JADE2: variants seen among roughly 807,000 people sequenced by gnomAD.
JADE2 encodes the protein E3 ubiquitin-protein ligase Jade-2.
JADE2 carries 13 observed loss-of-function variants against 85.7 expected under a neutral mutation model. The ratio of observed to expected loss-of-function variants is 0.15; its 90% CI spans 0.10 to 0.24. The LOEUF (loss-of-function observed/expected upper bound fraction) is 0.24. JADE2 is among the 10% of genes least tolerant of loss of function. The pLI, the probability that JADE2 is intolerant of heterozygous loss-of-function variation, is 1.00. For synonymous variants in JADE2, 440 were observed against 456.1 expected (o/e 0.96, Z 0.45); for missense variants, 846 against 1,115.9 (o/e 0.76, Z 3.45).
chr5:134,530,117 A>G (rs965060454), intron 1 of JADE2, among the ~76,000 whole-genome samples: 1 of 152,276 alleles, frequency 6.6e-6, no homozygotes, highest in Non-Finnish European at 1.5e-5. Flanking sequence ...CTGAGAAGGC[A>G]TTAAAGTTAA....
intron 9 of JADE2, among the ~76,000 whole-genome samples, chr5:134,568,493 CAG>C (rs1173000685): frequency 6.6e-6 from 1 of 152,206 alleles, no homozygotes; most frequent in East Asian, 1.9e-4. Flanking sequence ...AGAGCTGCTG[CAG>C]AGACTCCTGC....
intron 8 of JADE2, 26 bp downstream of exon 8, chr5:134,564,636 T>G: frequency 7.0e-7 from 1 of 1,427,212 alleles, no homozygotes; most frequent in Non-Finnish European, 9.5e-7. Context: ...CACCTCCTGC[T>G]GCCAGGAGCT....
Position 134,525,741 on chromosome 5 carries a change from G to T in JADE2, c.-271G>T, listed in dbSNP as rs749577444. On this transcript the variant is annotated 5_prime_UTR_variant, in exon 1 of 12. Transcript: ENST00000681547. The stretch of plus-strand genomic sequence containing the variant: ...GCAGTTGGAGGCTATTTTTTGGGGG[G>T]GGTGAGTAGCGTCCATGGAGTTACT... 2 of 1,228,636 alleles carry T rather than the reference G, an allele frequency of 1.6e-6. No homozygotes were observed. The highest frequency in any genetic ancestry group is 2.1e-6 in the Non-Finnish European group (2 of 963,620). 76.1% of individuals were successfully genotyped at this position (1,228,636 alleles called of 1,614,324 possible). A position where few individuals can be genotyped will look rare whatever the true frequency, so the allele number is the denominator to read the frequency against.
Position 134,581,119 on chromosome 5 carries a change from A to G in JADE2, c.*1802A>G, listed in dbSNP as rs1764691454. 1 of 152,570 alleles carries G rather than the reference A, an allele frequency of 6.6e-6. No homozygotes were observed. The highest frequency in any genetic ancestry group is 2.4e-5 in the African/African-American group (1 of 41,442). The allele number at this position is 152,570 out of a possible 1,614,324, so 9.5% of individuals were successfully genotyped here. A position where few individuals can be genotyped will look rare whatever the true frequency, so the allele number is the denominator to read the frequency against. ...ACTCAATTTCATGTGAATTTTAGCA[A>G]AACAGGAAACAAAGATAATGACTCA... On this transcript the variant is annotated 3_prime_UTR_variant, in exon 12 of 12. Coordinates refer to ENST00000681547, the MANE Select transcript of JADE2 (RefSeq NM_001388185.1).
At position 134,579,191 on chromosome 5, in the gene JADE2, T is replaced by C. The variant is rs1025530150; in HGVS notation, c.2379T>C (p.Thr793=). The change falls in exon 12 of 12, where the codon ACT becomes ACC. Residue 793 remains threonine, a synonymous_variant. Coordinates refer to ENST00000681547, the MANE Select transcript of JADE2 (RefSeq NM_001388185.1). This position sits in a 1 kb window ranked among gnomAD's most constrained non-coding sequence, Gnocchi z 4.6. ...TCAGCCTGCATTTTGACACTGAGAC[T>C]GATGGCTACTTCTCTGATGGGGAGA... ...PKVSLHFDTE[T]DGYFSDGEMS... is the part of the protein sequence containing the mutation. 6.2e-7 allele frequency: 1 copy of C among 1,614,254 alleles called. No homozygotes were observed.
upstream of JADE2, among the ~76,000 whole-genome samples, chr5:134,525,461 G>C (rs1392907856): frequency 3.3e-5 from 5 of 151,554 alleles, no homozygotes. Context: ...GGCCCGCAAC[G>C]CTACCTGGAC....
chr5:134,574,746 G>C (rs1409715673), intron 10 of JADE2: 1 of 152,200 alleles, frequency 6.6e-6, no homozygotes. Context: ...GCAGCTTCCT[G>C]GCTGCTGGAG....
chr5:134,577,547 C>T (rs1193306537), intron 11 of JADE2, among the ~76,000 whole-genome samples: 1 of 152,254 alleles, frequency 6.6e-6, no homozygotes, highest in East Asian at 1.9e-4. Context: ...GGGGACAACC[C>T]AGGCGTGGTG....
chr5:134,538,718 A>T (rs1332215822), intron 3 of JADE2, among the ~76,000 whole-genome samples: 1 of 152,128 alleles, frequency 6.6e-6, no homozygotes, highest in African/African-American at 2.4e-5. Flanking sequence ...CTCCCACCCT[A>T]GGGCCTTATT....
chr5:134,551,619 T>C (rs2589409), intron 3 of JADE2, among the ~76,000 whole-genome samples: 150,299 of 151,764 alleles, frequency 0.99, 74,434 homozygotes, highest in Middle Eastern at 1. Context: ...CTCAAGCAGT[T>C]ATCCCACCTC....
At chr5:134,542,216 T>C (rs1479370408) in intron 3 of JADE2, among the ~76,000 whole-genome samples, 1 of 152,250 alleles carries the variant, frequency 6.6e-6, no homozygotes, top group Non-Finnish European at 1.5e-5. Flanking sequence ...CCTGAAGTCC[T>C]GAGCCTGGCC....
chr5:134,560,130 G>T, intron 5 of JADE2, 140 bp downstream of exon 5: 1 of 946,748 alleles, frequency 1.1e-6, no homozygotes, highest in Non-Finnish European at 1.6e-6. Flanking sequence ...TTACTGAATG[G>T]GGACCTCACT....
chr5:134,548,953 C>T (rs1762449643), intron 3 of JADE2, among the ~76,000 whole-genome samples: 2 of 152,212 alleles, frequency 1.3e-5, no homozygotes, highest in African/African-American at 4.8e-5. Flanking sequence ...TCAGAAAGCA[C>T]TGCCAGGAGC....
At chr5:134,568,292 T>C (rs1314483791) in intron 9 of JADE2, among the ~76,000 whole-genome samples, 1 of 152,172 alleles carries the variant, frequency 6.6e-6, no homozygotes, top group African/African-American at 2.4e-5. Flanking sequence ...GGAACTCCAT[T>C]CCAAGGGTTT....
chr5:134,539,391 G>C (rs1328955363), intron 3 of JADE2, among the ~76,000 whole-genome samples: 6 of 151,510 alleles, frequency 4.0e-5, no homozygotes, highest in Non-Finnish European at 2.9e-5. Context: ...TAGAGATGGG[G>C]TTTCACCATG....
At position 134,573,775 on chromosome 5, in the gene JADE2, C is replaced by T; in HGVS notation, c.1552+13C>T. On this transcript the variant is annotated intron_variant, in intron 10 of 11. Coordinates refer to ENST00000681547, the MANE Select transcript of JADE2 (RefSeq NM_001388185.1). ...GATCTGTGTCGAGGTAGGCGCCTTC[C>T]CCACCTGCCGCCGCCACCTCCCTGT... 6.7e-7 allele frequency: 1 copy of T among 1,483,722 alleles called. No homozygotes were observed. The highest frequency in any genetic ancestry group is 9.4e-7 in the Non-Finnish European group (1 of 1,060,604). The allele number at this position is 1,483,722 out of a possible 1,614,324, so 91.9% of individuals were successfully genotyped here. A position where few individuals can be genotyped will look rare whatever the true frequency, so the allele number is the denominator to read the frequency against.
At position 134,579,433 on chromosome 5, in the gene JADE2, C is replaced by T. The variant is rs942457282; in HGVS notation, c.*116C>T. The T allele has an allele frequency of 9.2e-6, 7 of 763,052 alleles. No homozygotes were observed. Among genetic ancestry groups the T allele is most frequent in the East Asian group, 5.4e-5 (2 of 36,980 alleles). 47.3% of individuals were successfully genotyped at this position (763,052 alleles called of 1,614,324 possible). ...TCCCAGACCCTCGAGGCTGCCACTC[C>T]GTCGTGGTTTTATTTTTAATATAGA... On this transcript the variant is annotated 3_prime_UTR_variant, in exon 12 of 12. Transcript: ENST00000681547. This position sits in a 1 kb window ranked among gnomAD's most constrained non-coding sequence, Gnocchi z 4.6.
chr5:134,536,728 C>T (rs981850510), intron 2 of JADE2: 1 of 152,422 alleles, frequency 6.6e-6, no homozygotes, highest in Non-Finnish European at 1.5e-5. Flanking sequence ...CCAGGAAGAT[C>T]TCACCTAGCA....
At chr5:134,539,037 T>TTTGTA (rs1761783640) in intron 3 of JADE2, among the ~76,000 whole-genome samples, 1 of 143,628 alleles carries the variant, frequency 7.0e-6, no homozygotes, top group East Asian at 2.0e-4. Context: ...TGTATTTTTA[T>TTTGTA]TTTTATTTTA....
Sources: allele counts gnomAD v4.1 joint callset (sites outside exome capture counted in the v4.1 genomes callset), GRCh38; gene constraint gnomAD v4.1.1; non-coding constraint Gnocchi (gnomAD v3.1); transcripts MANE v1.5; gene names NCBI Gene and HGNC (gene_info 2026-07-23, HGNC 2026-07-21).